Variants in GSE1 observed in about 807,000 individuals in gnomAD.
GSE1 encodes the protein genetic suppressor element 1.
A neutral mutation model predicts 112.6 loss-of-function variants in GSE1; 32 were observed. That is an observed-to-expected ratio of 0.28 (90% CI 0.21 to 0.38). The LOEUF (loss-of-function observed/expected upper bound fraction) is 0.38. Ranked by LOEUF, GSE1 falls within the 10% of genes least tolerant of loss-of-function variation. GSE1 has a pLI of 1.00. For missense variants in GSE1, 2,348 were observed against 1,699.2 expected, an observed-to-expected ratio of 1.38 and a Z score of -6.71; for synonymous variants, 1,115 against 735.6, an observed-to-expected ratio of 1.52 and a Z score of -8.35.
chr16:85,656,736 C>T (rs745685060), intron 7 of GSE1, 71 bp downstream of exon 7: 5 of 1,436,448 alleles, frequency 3.5e-6, no homozygotes, highest in Non-Finnish European at 4.5e-6. Flanking sequence ...TGAATCGCAG[C>T]ACCTGCCGGT....
At chr16:85,488,028 A>G (rs2050897443) in intron 2 of GSE1, among the ~76,000 whole-genome samples, 1 of 152,174 alleles carries the variant, frequency 6.6e-6, no homozygotes, top group Admixed American at 6.5e-5. Context: ...GGCTCCTAGC[A>G]GGACCAGACA....
chr16:85,506,927 C>G (rs955020928), intron 2 of GSE1, among the ~76,000 whole-genome samples: 1 of 152,188 alleles, frequency 6.6e-6, no homozygotes, highest in Admixed American at 6.5e-5. Context: ...CCGACAGCCC[C>G]CTCCTTCCAA....
In GSE1 at chr16:85,474,526, C is replaced by T. The variant is rs185126368; in HGVS notation, c.2464+116883C>T. ...CTGCGGCACTTCCCACAATTAAACC[C>T]GGGTGCCTGTGCTGATGACCTGACC... is the stretch of plus-strand genomic sequence containing the variant. On this transcript the variant is annotated intron_variant, in intron 2 of 2. Transcript: ENST00000637419. 1.8e-4 allele frequency among the ~76,000 whole-genome samples: 28 copies of T among 152,206 alleles called. No homozygotes were observed. The East Asian group carries it at 5.2e-3, about 28-fold the overall frequency.
At chr16:85,563,410 A>G (rs2045610226) in intron 1 of GSE1, among the ~76,000 whole-genome samples, 1 of 152,198 alleles carries the variant, frequency 6.6e-6, no homozygotes, top group East Asian at 1.9e-4. Context: ...TTTCCCACAC[A>G]TGCCAGGCCC....
intron 1 of GSE1, among the ~76,000 whole-genome samples, chr16:85,273,024 C>T (rs889713800): frequency 3.9e-5 from 6 of 152,234 alleles, no homozygotes; most frequent in African/African-American, 1.4e-4. Flanking sequence ...GATCTGCCCG[C>T]CTCGGCCTCC....
chr16:85,591,515 C>A (rs1205192870), intron 1 of GSE1, among the ~76,000 whole-genome samples: 7 of 152,220 alleles, frequency 4.6e-5, no homozygotes. Flanking sequence ...CTCCTCACAG[C>A]CTTGCGGGCT....
Position 85,673,158 on chromosome 16 carries a change from A to AAAGCT in GSE1, c.*620_*621insAGCTA, listed in dbSNP as rs1437584067. ...AAAGCTCTTTCTTACCTAAAGATAA[A>AAAGCT]ACCAATTCACAAACTGAAGGTAGCT... On this transcript the variant is annotated 3_prime_UTR_variant, in exon 16 of 16. Transcript: ENST00000253458. 2.0e-5 allele frequency: 3 copies of AAAGCT among 152,524 alleles called. No individual in the cohort carries two copies. Among genetic ancestry groups the AAAGCT allele is most frequent in the African/African-American group, 7.2e-5 (3 of 41,432 alleles). The allele number at this position is 152,524 out of a possible 1,614,324, so 9.4% of individuals were successfully genotyped here. A position where few individuals can be genotyped will look rare whatever the true frequency, so the allele number is the denominator to read the frequency against.
chr16:85,455,407 G>GAAAGAAAAGA (rs552339456), intron 2 of GSE1, among the ~76,000 whole-genome samples: 1 of 151,910 alleles, frequency 6.6e-6, no homozygotes, highest in Non-Finnish European at 1.5e-5. Context: ...GAGAGAGAAA[G>GAAAGAAAAGA]AAAGAAAAGA....
rs989358031 is a variant in GSE1, at chr16:85,373,636, T to A, written c.2464+15993T>A. Among the ~76,000 whole-genome samples the A allele has an allele frequency of 6.6e-6, 1 of 152,150 alleles. No individual in the cohort carries two copies. The highest frequency in any genetic ancestry group is 1.9e-4 in the East Asian group (1 of 5,178). ...TGAGTGTCTGGGAGGGCCACAGGTATGCTGGCCACGGCCTGGAAGAGTCCG... is the reference window on the plus strand; with the variant it reads ...TGAGTGTCTGGGAGGGCCACAGGTAAGCTGGCCACGGCCTGGAAGAGTCCG... On this transcript the variant is annotated intron_variant, in intron 2 of 2. Transcript: ENST00000637419. The surrounding 1 kb of genome is among the most constrained non-coding windows in gnomAD (Gnocchi z 5.1).
chr16:85,523,560 C>T (rs66952057), intron 2 of GSE1, among the ~76,000 whole-genome samples: 44,959 of 152,108 alleles, frequency 0.3, 6,961 homozygotes, highest in East Asian at 0.5. Flanking sequence ...GGCTAAGGAA[C>T]CCCTGGGAGC....
At position 85,634,069 on chromosome 16, in the gene GSE1, G is replaced by A. The variant is rs370450221; in HGVS notation, c.163G>A (p.Ala55Thr). The A allele has an allele frequency of 4.8e-5, 77 of 1,605,400 alleles. 1 individual carries two copies. Among genetic ancestry groups the A allele is most frequent in the East Asian group, 3.1e-4 (14 of 44,620 alleles). ...CAGCAGCGCGCTGTCGGCCCAGGCCGCGCCATCCTCCAGCTTTGCCGCCGC... is the reference window on the plus strand; with the variant it reads ...CAGCAGCGCGCTGTCGGCCCAGGCCACGCCATCCTCCAGCTTTGCCGCCGC... ...ATSSALSAQA[A>T]PSSSFAAALR... Residue 55 changes from alanine to threonine, a missense_variant, in exon 2 of 16, where the codon GCG becomes ACG. By Grantham distance (58) the Ala-to-Thr change is moderately conservative (BLOSUM62 0). Transcript: ENST00000253458.
At chr16:85,220,273 G>C (rs539023530) in intron 1 of GSE1, among the ~76,000 whole-genome samples, 1 of 152,238 alleles carries the variant, frequency 6.6e-6, no homozygotes, top group Admixed American at 6.5e-5. Flanking sequence ...TCAGTTAGGA[G>C]CTGGGGGCAG....
chr16:85,610,729 C>G (rs2047932735), upstream of GSE1, among the ~76,000 whole-genome samples: 1 of 152,220 alleles, frequency 6.6e-6, no homozygotes. Context: ...TCCCCTAGGC[C>G]TACTGGGTTG....
intron 1 of GSE1, among the ~76,000 whole-genome samples, chr16:85,626,370 A>AGG (rs2049068984): frequency 1.3e-5 from 2 of 152,338 alleles, no homozygotes; most frequent in South Asian, 4.1e-4. Context: ...GGTCTGTAGC[A>AGG]GGGTGACCCG....
At chr16:85,520,713 G>A (rs762874847) in intron 2 of GSE1, among the ~76,000 whole-genome samples, 3 of 151,990 alleles carry the variant, frequency 2.0e-5, no homozygotes, top group Admixed American at 2.0e-4. Context: ...GTGAGCCACC[G>A]CGCCTAGCCC....
chr16:85,314,084 A>ATG (rs1338190856), intron 1 of GSE1, among the ~76,000 whole-genome samples: 1 of 150,896 alleles, frequency 6.6e-6, no homozygotes, highest in Admixed American at 6.6e-5. Context: ...AGCCATTTGT[A>ATG]TGTGTGTGTG....
chr16:85,549,597 G>C (rs2044832495), intron 2 of GSE1, among the ~76,000 whole-genome samples: 1 of 152,208 alleles, frequency 6.6e-6, no homozygotes, highest in Non-Finnish European at 1.5e-5. Context: ...CGTGGGTGGG[G>C]TGTGCCCTGT....
intron 1 of GSE1, among the ~76,000 whole-genome samples, chr16:85,566,819 G>A (rs2045769277): frequency 6.6e-6 from 1 of 152,236 alleles, no homozygotes; most frequent in Non-Finnish European, 1.5e-5. Flanking sequence ...AGAAAGGGGG[G>A]CCGGCAGGGA....
intron 1 of GSE1, among the ~76,000 whole-genome samples, chr16:85,588,243 G>C (rs73269292): frequency 0.11 from 17,205 of 152,246 alleles, 3,143 homozygotes; most frequent in African/African-American, 0.39. Context: ...CAGCTTCCCA[G>C]AACGCTGCAT....
Sources: allele counts gnomAD v4.1 joint callset (sites outside exome capture counted in the v4.1 genomes callset), GRCh38; gene constraint gnomAD v4.1.1; non-coding constraint Gnocchi (gnomAD v3.1); transcripts MANE v1.5; gene names NCBI Gene and HGNC (gene_info 2026-07-23, HGNC 2026-07-21).